The following SEPTIN9 variants were observed in gnomAD, a reference collection of about 807,000 sequenced individuals.
The protein encoded by SEPTIN9 is septin 9, also known as septin-9.
SEPTIN9 carries 13 observed loss-of-function variants against 56.6 expected under a neutral mutation model. That is an observed-to-expected ratio of 0.23 (90% CI 0.15 to 0.37). The LOEUF (loss-of-function observed/expected upper bound fraction) is 0.37, where lower values mean the gene tolerates loss of function less well. Among genes scored for constraint, SEPTIN9 ranks in the 10% least tolerant of loss-of-function variants. The pLI, the probability that SEPTIN9 is intolerant of heterozygous loss-of-function variation, is 1.00. For missense variants in SEPTIN9, 650 were observed against 823.1 expected (o/e 0.79, Z 2.57); for synonymous variants, 332 against 334.1 (o/e 0.99, Z 0.07).
intron 3 of SEPTIN9, among the ~76,000 whole-genome samples, chr17:77,407,471 T>C (rs993890245): frequency 6.6e-6 from 1 of 151,892 alleles, no homozygotes; most frequent in African/African-American, 2.4e-5. Context: ...GCAGAAACTT[T>C]CCTGGTCAAC....
Position 77,451,325 on chromosome 17 carries a change from C to G in SEPTIN9, c.722-30819C>G. 2.0e-6 allele frequency: 2 copies of G among 981,832 alleles called. No homozygotes were observed. The highest frequency in any genetic ancestry group is 1.2e-6 in the Non-Finnish European group (1 of 826,300). 60.8% of individuals were successfully genotyped at this position (981,832 alleles called of 1,614,324 possible). Reference sequence around the variant, plus strand: ...GCCCCCTCCTCCTGCTCCCCTCGCCCTGCCCCCTTGGAGCAATTCCCCACC... The same window carrying G: ...GCCCCCTCCTCCTGCTCCCCTCGCCGTGCCCCCTTGGAGCAATTCCCCACC... On this transcript the variant is annotated intron_variant, in intron 3 of 11. Coordinates refer to ENST00000427177, the MANE Select transcript of SEPTIN9 (RefSeq NM_001113491.2). This position sits in a 1 kb window ranked among gnomAD's most constrained non-coding sequence, Gnocchi z 4.2.
At chr17:77,463,652 G>T (rs1331575298) in intron 3 of SEPTIN9, among the ~76,000 whole-genome samples, 1 of 152,020 alleles carries the variant, frequency 6.6e-6, no homozygotes, top group Non-Finnish European at 1.5e-5. Flanking sequence ...AGACCAGCCT[G>T]GCCAACATGG....
chr17:77,498,595 C>G lies in SEPTIN9; in HGVS notation c.1698C>G (p.Asn566Lys), dbSNP rs546339887. ...AGGCGTACCGTGTGAAGCGCCTCAACGAGGGCAGCAGCGCCATGGCCAACG... is the reference window on the plus strand; with the variant it reads ...AGGCGTACCGTGTGAAGCGCCTCAAGGAGGGCAGCAGCGCCATGGCCAACG... ...HFEAYRVKRL[N>K]EGSSAMANGM... is the part of the protein sequence containing the mutation. Residue 566 changes from asparagine (N) to lysine (K), a missense_variant, in exon 12 of 12, where the codon AAC becomes AAG. By Grantham distance (94) the Asn-to-Lys change is moderately conservative. Coordinates refer to ENST00000427177, the MANE Select transcript of SEPTIN9 (RefSeq NM_001113491.2). 8.1e-6 allele frequency: 13 copies of G among 1,609,028 alleles called. 1 individual carries two copies. The South Asian group carries it at 1.4e-4, about 18-fold the overall frequency.
chr17:77,293,856 C>G (rs1357822642), intron 1 of SEPTIN9, among the ~76,000 whole-genome samples: 1 of 152,096 alleles, frequency 6.6e-6, no homozygotes, highest in African/African-American at 2.4e-5. Context: ...GTAATCCCAG[C>G]ACTTTGGGAG....
intron 2 of SEPTIN9, among the ~76,000 whole-genome samples, chr17:77,340,864 C>A (rs1157514450): frequency 6.6e-6 from 1 of 152,252 alleles, no homozygotes; most frequent in Non-Finnish European, 1.5e-5. Flanking sequence ...GAGATGGCTT[C>A]TTTCCTTAAA....
chr17:77,289,582 A>G (rs1045625210), intron 1 of SEPTIN9, among the ~76,000 whole-genome samples: 2 of 150,758 alleles, frequency 1.3e-5, no homozygotes, highest in Admixed American at 6.6e-5. Flanking sequence ...CTAATTTTGT[A>G]TTTTTAGTAC....
intron 3 of SEPTIN9, among the ~76,000 whole-genome samples, chr17:77,467,354 A>G (rs941123060): frequency 6.6e-6 from 1 of 152,168 alleles, no homozygotes; most frequent in African/African-American, 2.4e-5. Context: ...CCTCCTGCCC[A>G]TGGGCTCTGC....
At chr17:77,383,282 T>C (rs1177636686) in intron 2 of SEPTIN9, among the ~76,000 whole-genome samples, 9 of 151,872 alleles carry the variant, frequency 5.9e-5, no homozygotes, top group Admixed American at 2.0e-4. Flanking sequence ...TGACTGAGCT[T>C]CTCCTTGTTA....
Position 77,435,501 on chromosome 17 carries a change from C to G in SEPTIN9, c.721+32798C>G, listed in dbSNP as rs140630325. ...AGAGCAACCATGCCGGGCGGGTCGT[C>G]GTGCCCCAGTGCCGCCTGCCCTACA... On this transcript the variant is annotated intron_variant, in intron 3 of 11. Transcript: ENST00000427177. This position sits in a 1 kb window ranked among gnomAD's most constrained non-coding sequence, Gnocchi z 4.5. Among the ~76,000 whole-genome samples the G allele has an allele frequency of 3.9e-5, 6 of 152,192 alleles. No homozygotes were observed. Among genetic ancestry groups the G allele is most frequent in the African/African-American group, 1.4e-4 (6 of 41,450 alleles).
At chr17:77,320,147 A>C in intron 2 of SEPTIN9, 1 of 1,505,876 alleles carries the variant, frequency 6.6e-7, no homozygotes, top group Non-Finnish European at 8.9e-7. Flanking sequence ...GAAATGTGGT[A>C]ATTCGGATGC....
rs2035948450 is a variant in SEPTIN9 at position 77,402,784 on chromosome 17, A to G, written c.721+81A>G. ...GGCTTTGCCACAGAATCTTGGAGGA[A>G]GAAGCTGGATATGGGGTGGAGGGTG... On this transcript the variant is annotated intron_variant, in intron 3 of 11. Coordinates refer to ENST00000427177, the MANE Select transcript of SEPTIN9 (RefSeq NM_001113491.2). The surrounding 1 kb of genome is among the most constrained non-coding windows in gnomAD (Gnocchi z 6.6). 7.0e-7 allele frequency: 1 copy of G among 1,424,624 alleles called. No homozygotes were observed. The allele number at this position is 1,424,624 out of a possible 1,614,324, so 88.2% of individuals were successfully genotyped here. A position where few individuals can be genotyped will look rare whatever the true frequency, so the allele number is the denominator to read the frequency against.
rs2037900784 is a variant in SEPTIN9 at position 77,449,919 on chromosome 17, A to G, written c.722-32225A>G. 6.6e-6 allele frequency among the ~76,000 whole-genome samples: 1 copy of G among 152,196 alleles called. No homozygotes were observed. Among genetic ancestry groups the G allele is most frequent in the Non-Finnish European group, 1.5e-5 (1 of 68,036 alleles). ...GGATGGGGAAGGTCAAATTCCACAGATATTGAGTGACAGGCCCAGGGCCTT... is the reference window on the plus strand; with the variant it reads ...GGATGGGGAAGGTCAAATTCCACAGGTATTGAGTGACAGGCCCAGGGCCTT... On this transcript the variant is annotated intron_variant, in intron 3 of 11. Coordinates refer to ENST00000427177, the MANE Select transcript of SEPTIN9 (RefSeq NM_001113491.2). This position sits in a 1 kb window ranked among gnomAD's most constrained non-coding sequence, Gnocchi z 4.6.
At position 77,401,940 on chromosome 17, in the gene SEPTIN9, G is replaced by T. The variant is rs372012553; in HGVS notation, c.77-119G>T. 7.1e-6 allele frequency: 7 copies of T among 982,720 alleles called. No homozygotes were observed. The African/African-American group carries it at 9.8e-5, about 14-fold the overall frequency. 60.9% of individuals were successfully genotyped at this position (982,720 alleles called of 1,614,324 possible). A position where few individuals can be genotyped will look rare whatever the true frequency, so the allele number is the denominator to read the frequency against. On this transcript the variant is annotated intron_variant, in intron 2 of 11. Transcript: ENST00000427177. ...TGCTGAGACATGAAGGACGGGAAGAGACCCCCGGCCCTCACCGCCGCATCG... is the reference window on the plus strand; with the variant it reads ...TGCTGAGACATGAAGGACGGGAAGATACCCCCGGCCCTCACCGCCGCATCG...
At position 77,326,250 on chromosome 17, in the gene SEPTIN9, C is replaced by T. The variant is rs2033135880; in HGVS notation, c.76+19053C>T. Among the ~76,000 whole-genome samples the T allele has an allele frequency of 6.6e-6, 1 of 152,230 alleles. No individual in the cohort carries two copies. Among genetic ancestry groups the T allele is most frequent in the South Asian group, 2.1e-4 (1 of 4,830 alleles). ...TTCAGCATTGGGTGCTCCCTGTGGACTTGGCGCTGGGGTCCCGTGGAGGAC... is the reference window on the plus strand; with the variant it reads ...TTCAGCATTGGGTGCTCCCTGTGGATTTGGCGCTGGGGTCCCGTGGAGGAC... On this transcript the variant is annotated intron_variant, in intron 2 of 11. Coordinates refer to ENST00000427177, the MANE Select transcript of SEPTIN9 (RefSeq NM_001113491.2). This position sits in a 1 kb window ranked among gnomAD's most constrained non-coding sequence, Gnocchi z 5.1.
At chr17:77,289,917 T>C (rs747274118) in intron 1 of SEPTIN9, among the ~76,000 whole-genome samples, 3 of 152,206 alleles carry the variant, frequency 2.0e-5, no homozygotes, top group African/African-American at 4.8e-5. Context: ...CTCAGGAACA[T>C]GACATAGGGT....
chr17:77,416,400 T>C (rs35657663), intron 3 of SEPTIN9, among the ~76,000 whole-genome samples: 56,969 of 152,046 alleles, frequency 0.37, 11,239 homozygotes, highest in African/African-American at 0.43. Flanking sequence ...TGCTTGGCGT[T>C]GGTGCTGAGC....
intron 3 of SEPTIN9, among the ~76,000 whole-genome samples, chr17:77,408,902 C>T (rs2036188674): frequency 1.3e-5 from 2 of 152,126 alleles, no homozygotes; most frequent in Admixed American, 6.5e-5. Flanking sequence ...TGTGCAGGTT[C>T]GTCCAGTACC....
intron 2 of SEPTIN9, among the ~76,000 whole-genome samples, chr17:77,315,291 CTT>C (rs71280839): frequency 4.9e-5 from 7 of 144,232 alleles, no homozygotes; most frequent in African/African-American, 1.0e-4. Flanking sequence ...CACCTAACTT[CTT>C]TTTTTTTTTT....
At chr17:77,462,823 G>A (rs1409034712) in intron 3 of SEPTIN9, among the ~76,000 whole-genome samples, 2 of 152,130 alleles carry the variant, frequency 1.3e-5, no homozygotes, top group Admixed American at 6.5e-5. Context: ...TGTATTTTTA[G>A]TAGGGATGGG....
Sources: gnomAD v4.1 joint callset for allele counts (sites outside exome capture counted in the v4.1 genomes callset) on GRCh38, gnomAD v4.1.1 for gene constraint, Gnocchi (gnomAD v3.1) non-coding constraint, MANE v1.5 for transcripts, NCBI Gene and HGNC (gene_info 2026-07-23, HGNC 2026-07-21) for gene names.